CBLN2: variants seen among roughly 807,000 people sequenced by gnomAD.
CBLN2 encodes the protein cerebellin-2.
Under a neutral mutation model 15.0 loss-of-function variants are expected in CBLN2, and 7 were observed. That is an observed-to-expected ratio of 0.47 (90% CI 0.27 to 0.88). The LOEUF is 0.88. Among genes scored for constraint, CBLN2 ranks in the 40% least tolerant of loss-of-function variants. CBLN2 has a pLI of 0.14. For missense variants in CBLN2, 242 were observed against 304.5 expected (o/e 0.79, Z 1.53); for synonymous variants, 149 against 135.2 (o/e 1.10, Z -0.71).
intron 1 of CBLN2, among the ~76,000 whole-genome samples, chr18:72,573,981 A>G (rs1476153699): frequency 2.0e-5 from 3 of 152,156 alleles, no homozygotes; most frequent in African/African-American, 7.2e-5. Flanking sequence ...CGCCATTCTT[A>G]TAAGTGTGTA....
intron 1 of CBLN2, among the ~76,000 whole-genome samples, chr18:72,608,329 C>G (rs1286902267): frequency 1.3e-5 from 2 of 152,110 alleles, no homozygotes; most frequent in African/African-American, 2.4e-5. Flanking sequence ...CCTGTCTTTT[C>G]ATACTTTCCC....
chr18:72,563,692 A>T (rs2069276103), intron 1 of CBLN2, among the ~76,000 whole-genome samples: 1 of 152,226 alleles, frequency 6.6e-6, no homozygotes, highest in Non-Finnish European at 1.5e-5. Flanking sequence ...ATTTGTTTGT[A>T]CACCAACCAA....
chr18:72,609,686 T>A (rs7239263), intron 1 of CBLN2, among the ~76,000 whole-genome samples: 4 of 152,108 alleles, frequency 2.6e-5, no homozygotes, highest in South Asian at 2.1e-4. Context: ...CAATTTGCCA[T>A]CCCCAGGTGC....
At chr18:72,601,961 C>G (rs1356380996) in intron 1 of CBLN2, among the ~76,000 whole-genome samples, 3 of 152,202 alleles carry the variant, frequency 2.0e-5, no homozygotes, top group Non-Finnish European at 1.5e-5. Flanking sequence ...TTTACAGCCC[C>G]TCAGAAGCTC....
chr18:72,574,833 A>G (rs1478647328), intron 1 of CBLN2, among the ~76,000 whole-genome samples: 2 of 152,194 alleles, frequency 1.3e-5, no homozygotes, highest in African/African-American at 4.8e-5. Flanking sequence ...ATCGCTAACG[A>G]CACTTTTGAA....
At chr18:72,594,344 A>T (rs566482945) in intron 1 of CBLN2, among the ~76,000 whole-genome samples, 1 of 152,308 alleles carries the variant, frequency 6.6e-6, no homozygotes, top group Admixed American at 6.5e-5. Context: ...TATTTTGTCA[A>T]GATGAATGAT....
intron 1 of CBLN2, among the ~76,000 whole-genome samples, chr18:72,600,628 C>T (rs943832183): frequency 6.6e-6 from 1 of 152,138 alleles, no homozygotes; most frequent in Admixed American, 6.5e-5. Flanking sequence ...TGGGGTCTTC[C>T]TACCCACTAC....
chr18:72,571,478 G>A (rs1193138273), intron 1 of CBLN2, among the ~76,000 whole-genome samples: 3 of 152,138 alleles, frequency 2.0e-5, no homozygotes, highest in African/African-American at 7.2e-5. Context: ...CAAAAGTGGC[G>A]AAAGACGTGG....
At chr18:72,624,538 G>A (rs1225504991) in intron 1 of CBLN2, among the ~76,000 whole-genome samples, 1 of 152,110 alleles carries the variant, frequency 6.6e-6, no homozygotes. Context: ...TACTCAGGAG[G>A]CTGAGGCACA....
At chr18:72,585,055 C>T (rs529729968) in intron 1 of CBLN2, among the ~76,000 whole-genome samples, 31 of 152,344 alleles carry the variant, frequency 2.0e-4, no homozygotes, top group Admixed American at 5.9e-4. Flanking sequence ...GCAGCTTCCA[C>T]TGCAGGTACC....
At chr18:72,572,808 T>G (rs983347115) in intron 1 of CBLN2, among the ~76,000 whole-genome samples, 2 of 152,058 alleles carry the variant, frequency 1.3e-5, no homozygotes, top group African/African-American at 4.8e-5. Flanking sequence ...TTAACAAGTT[T>G]TATGTGTTCA....
chr18:72,613,540 C>A (rs796505803), intron 1 of CBLN2, among the ~76,000 whole-genome samples: 20 of 152,096 alleles, frequency 1.3e-4, no homozygotes, highest in African/African-American at 4.8e-4. Context: ...ATGTGGCATG[C>A]CCTGGTGATA....
chr18:72,602,088 CA>C (rs1213267573), intron 1 of CBLN2, among the ~76,000 whole-genome samples: 3 of 152,200 alleles, frequency 2.0e-5, no homozygotes, highest in Non-Finnish European at 2.9e-5. Flanking sequence ...CTGACTGCAC[CA>C]GGCTTGTTTG....
At chr18:72,623,005 C>T (rs2069711538) in intron 1 of CBLN2, among the ~76,000 whole-genome samples, 1 of 152,146 alleles carries the variant, frequency 6.6e-6, no homozygotes, top group South Asian at 2.1e-4. Context: ...CATAGTTCCA[C>T]AGACTGTACA....
At chr18:72,588,500 G>A (rs927592392) in intron 1 of CBLN2, among the ~76,000 whole-genome samples, 1 of 152,154 alleles carries the variant, frequency 6.6e-6, no homozygotes, top group Non-Finnish European at 1.5e-5. Context: ...TGCATTTTCA[G>A]TTTTGACTGT....
intron 4 of CBLN2, 78 bp from the exon 5 acceptor site, chr18:72,538,451 C>G: frequency 6.6e-6 from 10 of 1,506,096 alleles, no homozygotes; most frequent in Non-Finnish European, 9.2e-6. Flanking sequence ...TGCCAATATC[C>G]CCACTCCCAC....
rs557073329 is a variant in CBLN2 at position 72,553,634 on chromosome 18, C to G, written c.16-14862G>C. Among the ~76,000 whole-genome samples, 4 of 152,124 alleles carry G rather than the reference C, an allele frequency of 2.6e-5. No individual in the cohort carries two copies. The South Asian group carries it at 8.3e-4, about 32-fold the overall frequency. Reference sequence around the variant, plus strand: ...TAGTGATTGGAAAGCTCAGACAAATCCTTATGTTTAGATAATTTCAGCAAA... The same window carrying G: ...TAGTGATTGGAAAGCTCAGACAAATGCTTATGTTTAGATAATTTCAGCAAA... On this transcript the variant is annotated intron_variant, in intron 1 of 2. Transcript: ENST00000581073.
intron 1 of CBLN2, among the ~76,000 whole-genome samples, chr18:72,637,792 A>G (rs2069823914): frequency 6.6e-6 from 1 of 152,198 alleles, no homozygotes; most frequent in Admixed American, 6.5e-5. Flanking sequence ...AGGGGAGAAA[A>G]GCAGTAAGCA....
At chr18:72,567,317 T>A (rs892615784) in intron 1 of CBLN2, among the ~76,000 whole-genome samples, 6 of 151,984 alleles carry the variant, frequency 3.9e-5, no homozygotes, top group Non-Finnish European at 7.4e-5. Context: ...GAATTCTTTT[T>A]AAAAAAAATC....
Sources: allele counts gnomAD v4.1 joint callset (sites outside exome capture counted in the v4.1 genomes callset), GRCh38; gene constraint gnomAD v4.1.1; transcripts MANE v1.5; gene names NCBI Gene and HGNC (gene_info 2026-07-23, HGNC 2026-07-21).